The following FGF13 variants were observed in gnomAD, a reference collection of about 807,000 sequenced individuals.
FGF13 encodes the protein fibroblast growth factor 13.
Under a neutral mutation model 19.5 loss-of-function variants are expected in FGF13, and 2 were observed. That is an observed-to-expected ratio of 0.10 (90% confidence interval 0.04 to 0.32). The LOEUF is 0.32. Ranked by LOEUF, FGF13 falls within the 10% of genes least tolerant of loss-of-function variation. FGF13 has a pLI of 1.00. For synonymous variants in FGF13, 72 were observed against 76.9 expected (o/e 0.94, Z 0.33); for missense variants, 113 against 192.7 (o/e 0.59, Z 2.45).
rs1179687715 is a variant in FGF13, at chrX:138,934,952, A to T, written c.-112-70302T>A. Among the ~76,000 whole-genome samples the T allele has an allele frequency of 8.1e-5, 9 of 111,027 alleles. No homozygotes were observed. The Admixed American group carries it at 8.6e-4, about 11-fold the overall frequency. ...CTATGCATATTACTAAACATAATCTAGTGAGAATAGAATTTGTGATAAAAT... is the reference window on the plus strand; with the variant it reads ...CTATGCATATTACTAAACATAATCTTGTGAGAATAGAATTTGTGATAAAAT... On this transcript the variant is annotated intron_variant, in intron 1 of 2. Transcript: ENST00000421460.
intron 1 of FGF13, among the ~76,000 whole-genome samples, chrX:138,875,200 C>G (rs2091381006): frequency 9.6e-6 from 1 of 104,687 alleles, no homozygotes; most frequent in South Asian, 4.6e-4. Context: ...CCACTGCACT[C>G]CAGCCTCGGT....
intron 3 of FGF13, among the ~76,000 whole-genome samples, chrX:138,830,711 G>A (rs1237816081): frequency 1.9e-5 from 2 of 107,813 alleles, no homozygotes; most frequent in African/African-American, 6.8e-5. Context: ...GTGTGTGTGT[G>A]TGTGTGTGTG....
At chrX:138,998,014 G>C (rs1236000112) in intron 1 of FGF13, among the ~76,000 whole-genome samples, 2 of 111,672 alleles carry the variant, frequency 1.8e-5, no homozygotes, top group African/African-American at 6.5e-5. Context: ...AGCCAGAAGA[G>C]GGGGGGCCAA....
At chrX:138,666,968 T>C (rs1228746528) in intron 3 of FGF13, among the ~76,000 whole-genome samples, 3 of 109,471 alleles carry the variant, frequency 2.7e-5, no homozygotes, top group Middle Eastern at 5.0e-3. Flanking sequence ...TTTTAATATA[T>C]AGAGGAATAG....
chrX:138,809,138 A>T (rs187350957), intron 3 of FGF13, among the ~76,000 whole-genome samples: 62 of 111,881 alleles, frequency 5.5e-4, no homozygotes, highest in African/African-American at 1.9e-3. Context: ...CAGAGACACA[A>T]CAAAAAAAGA....
intron 1 of FGF13, chrX:138,990,512 C>T (rs1344914691): frequency 9.1e-6 from 1 of 109,649 alleles, no homozygotes; most frequent in Non-Finnish European, 1.9e-5. Context: ...ACTCACAGTT[C>T]CACGTGGCTG....
intron 1 of FGF13, among the ~76,000 whole-genome samples, chrX:138,873,355 T>C (rs960169293): frequency 1.8e-5 from 2 of 111,904 alleles, no homozygotes; most frequent in Non-Finnish European, 3.8e-5. Context: ...TTAAAAACCT[T>C]CTGCTGCCAT....
chrX:138,728,762 C>A (rs1342960005), intron 1 of FGF13, among the ~76,000 whole-genome samples: 1 of 110,664 alleles, frequency 9.0e-6, no homozygotes, highest in African/African-American at 3.3e-5. Context: ...CACCCATTGA[C>A]CCTCTACTGT....
intron 3 of FGF13, among the ~76,000 whole-genome samples, chrX:138,842,328 A>T (rs941370677): frequency 9.0e-6 from 1 of 111,398 alleles, no homozygotes; most frequent in African/African-American, 3.3e-5. Flanking sequence ...GTGGAATTTA[A>T]CCCGAAGCAG....
At chrX:138,667,207 T>C (rs1277551156) in intron 3 of FGF13, among the ~76,000 whole-genome samples, 1 of 107,162 alleles carries the variant, frequency 9.3e-6, no homozygotes, top group Admixed American at 1.0e-4. Flanking sequence ...TTGGAATATA[T>C]GTATACATAT....
chrX:139,148,604 T>TA (rs754469846), intron 1 of FGF13, among the ~76,000 whole-genome samples: 1,020 of 84,603 alleles, frequency 0.012, 10 homozygotes, highest in African/African-American at 0.025. Flanking sequence ...GCCATTGGTT[T>TA]AAAAAAAAAA....
intron 3 of FGF13, among the ~76,000 whole-genome samples, chrX:138,821,013 A>G (rs1282493812): frequency 8.1e-5 from 9 of 111,594 alleles, no homozygotes; most frequent in Non-Finnish European, 1.7e-4. Flanking sequence ...GTGGGCAGTA[A>G]AGAATTCTTA....
intron 1 of FGF13, among the ~76,000 whole-genome samples, chrX:139,139,550 G>T (rs2148238604): frequency 8.9e-6 from 1 of 112,516 alleles, no homozygotes; most frequent in South Asian, 3.7e-4. Flanking sequence ...TTTCAGGATT[G>T]CACAATGGTG....
At chrX:138,633,110 CAT>C (rs1276632120) in intron 4 of FGF13, 124 bp from the exon 5 acceptor site, 1 of 660,665 alleles carries the variant, frequency 1.5e-6, no homozygotes, top group Non-Finnish European at 2.1e-6. Flanking sequence ...TGAGGTAATG[CAT>C]ATGTTAATTA....
At chrX:138,781,080 G>A (rs1418130703) in intron 3 of FGF13, among the ~76,000 whole-genome samples, 2 of 111,080 alleles carry the variant, frequency 1.8e-5, no homozygotes, top group South Asian at 7.6e-4. Flanking sequence ...GGTACATAAC[G>A]AAATGAAGGC....
chrX:138,673,197 G>A (rs2089631670), intron 3 of FGF13, among the ~76,000 whole-genome samples: 1 of 111,304 alleles, frequency 9.0e-6, no homozygotes, highest in Non-Finnish European at 1.9e-5. Flanking sequence ...TAGCTGGTAA[G>A]GGATATGCAA....
chrX:138,767,155 G>A (rs753597163), intron 3 of FGF13, among the ~76,000 whole-genome samples: 10 of 111,838 alleles, frequency 8.9e-5, no homozygotes, highest in Admixed American at 7.6e-4. Flanking sequence ...CTTGGAGAGC[G>A]ATTATGGAAA....
chrX:139,105,940 T>C (rs2083556289), intron 1 of FGF13, among the ~76,000 whole-genome samples: 1 of 112,258 alleles, frequency 8.9e-6, no homozygotes, highest in South Asian at 3.7e-4. Flanking sequence ...GAAAATATTA[T>C]TCAATTCTTT....
chrX:138,966,777 C>T (rs1213925590), intron 1 of FGF13, among the ~76,000 whole-genome samples: 2 of 111,006 alleles, frequency 1.8e-5, no homozygotes, highest in Non-Finnish European at 1.9e-5. Flanking sequence ...TATGGTTTGG[C>T]TCTGTGCTCC....
Sources: allele counts gnomAD v4.1 joint callset (sites outside exome capture counted in the v4.1 genomes callset), GRCh38; gene constraint gnomAD v4.1.1; transcripts MANE v1.5; gene names NCBI Gene and HGNC (gene_info 2026-07-23, HGNC 2026-07-21).